The following MYSM1 variants were observed in gnomAD, a reference collection of about 807,000 sequenced individuals.
The protein encoded by MYSM1 is deubiquitinase MYSM1.
A neutral mutation model predicts 116.0 loss-of-function variants in MYSM1; 51 were observed. The ratio of observed to expected loss-of-function variants is 0.44; its 90% CI spans 0.35 to 0.56. MYSM1 has a LOEUF of 0.56. MYSM1 is among the 20% of genes least tolerant of loss of function. The pLI, the probability that MYSM1 is intolerant of heterozygous loss-of-function variation, is 0.00. For missense variants in MYSM1, 900 were observed against 974.9 expected, an observed-to-expected ratio of 0.92 and a Z score of 1.02; for synonymous variants, 313 against 315.2, an observed-to-expected ratio of 0.99 and a Z score of 0.07.
Position 58,659,900 on chromosome 1 carries a change from C to A in MYSM1, c.*97G>T. The A allele has an allele frequency of 1.2e-6, 1 of 808,356 alleles. No individual in the cohort carries two copies. The highest frequency in any genetic ancestry group is 1.8e-6 in the Non-Finnish European group (1 of 552,810). The allele number at this position is 808,356 out of a possible 1,614,324, so 50.1% of individuals were successfully genotyped here. ...ATTTTGTGAAATAGAGAAAAAATAC[C>A]AAAGCTGTGCCAATGTTAACTACAA... is the stretch of plus-strand genomic sequence containing the variant. On this transcript the variant is annotated 3_prime_UTR_variant, in exon 20 of 20. Coordinates refer to ENST00000472487, the MANE Select transcript of MYSM1 (RefSeq NM_001085487.3).
At chr1:58,661,836 T>C (rs1644396986) in intron 17 of MYSM1, among the ~76,000 whole-genome samples, 1 of 152,052 alleles carries the variant, frequency 6.6e-6, no homozygotes, top group South Asian at 2.1e-4. Context: ...GAAGGTACTA[T>C]TAATAATTAT....
rs185393921 is a variant in MYSM1 at position 58,668,907 on chromosome 1, G to A, written c.1716+77C>T. On this transcript the variant is annotated intron_variant, in intron 13 of 19. Coordinates refer to ENST00000472487, the MANE Select transcript of MYSM1 (RefSeq NM_001085487.3). ...TTTTATACATATGCCTTGCACATAC[G>A]GAAAAAGAGTAAGCATTTCCTGTTT... 4.3e-4 allele frequency: 504 copies of A among 1,165,708 alleles called. 2 individuals carry two copies. In the African/African-American group the frequency reaches 7.8e-3, roughly 18 times the overall value. The allele number at this position is 1,165,708 out of a possible 1,614,324, so 72.2% of individuals were successfully genotyped here.
At chr1:58,681,329 C>T (rs1308568407) in intron 8 of MYSM1, among the ~76,000 whole-genome samples, 1 of 152,184 alleles carries the variant, frequency 6.6e-6, no homozygotes, top group African/African-American at 2.4e-5. Flanking sequence ...ATTAATAGCA[C>T]ATTATTGTCA....
In MYSM1 at chr1:58,665,496, T is replaced by TA. The variant is rs1414806215; in HGVS notation, c.2164+2dup. 6.3e-7 allele frequency: 1 copy of TA among 1,581,446 alleles called. No homozygotes were observed. Among genetic ancestry groups the TA allele is most frequent in the South Asian group, 1.2e-5 (1 of 85,304 alleles). The stretch of plus-strand genomic sequence containing the variant: ...GATAAAGTTATTTTTGTTGAAAACT[T>TA]ACGATAAGAGCCATCTGGGCTAATT... On this transcript the variant is annotated splice_region_variant and intron_variant, in intron 17 of 19. Transcript: ENST00000472487.
At chr1:58,690,142 A>G in intron 5 of MYSM1, 84 bp downstream of exon 5, 1 of 1,075,448 alleles carries the variant, frequency 9.3e-7, no homozygotes, top group Non-Finnish European at 1.3e-6. Flanking sequence ...GCTTTTCCAC[A>G]GGCCAACTAT....
intron 9 of MYSM1, among the ~76,000 whole-genome samples, chr1:58,676,405 G>GAA (rs66986748): frequency 9.4e-4 from 86 of 91,300 alleles, no homozygotes; most frequent in African/African-American, 3.1e-3. Context: ...AACAGAGCGA[G>GAA]AAAAAAAAAA....
intron 5 of MYSM1, 27 bp downstream of exon 5, chr1:58,690,199 T>G: frequency 6.8e-7 from 1 of 1,467,912 alleles, no homozygotes; most frequent in Non-Finnish European, 9.1e-7. Flanking sequence ...GAAAACAGAT[T>G]TATAAATATA....
In MYSM1 at chr1:58,667,372, A is replaced by G. The variant is rs886743333; in HGVS notation, c.1843-146T>C. 3 of 534,256 alleles carry G rather than the reference A, an allele frequency of 5.6e-6. No individual in the cohort carries two copies. The African/African-American group carries it at 5.8e-5, about 10-fold the overall frequency. The allele number at this position is 534,256 out of a possible 1,614,324, so 33.1% of individuals were successfully genotyped here. A position where few individuals can be genotyped will look rare whatever the true frequency, so the allele number is the denominator to read the frequency against. The stretch of plus-strand genomic sequence containing the variant: ...CACAGTTGCCTTTAACTTGCAAATG[A>G]CTTAAACTCCAAAAGTCTGATTATA... On this transcript the variant is annotated intron_variant, in intron 15 of 19. Coordinates refer to ENST00000472487, the MANE Select transcript of MYSM1 (RefSeq NM_001085487.3).
intron 17 of MYSM1, among the ~76,000 whole-genome samples, chr1:58,663,609 T>A (rs1331854971): frequency 6.6e-6 from 1 of 152,364 alleles, no homozygotes; most frequent in Admixed American, 6.5e-5. Flanking sequence ...CTCTGTCCAA[T>A]GGTAGCTCAT....
intron 6 of MYSM1, 56 bp from the exon 7 acceptor site, chr1:58,685,307 T>C (rs2100659081): frequency 9.1e-7 from 1 of 1,100,788 alleles, no homozygotes; most frequent in Admixed American, 2.6e-5. Context: ...TTAAGAATAG[T>C]CCAAGCCACT....
intron 12 of MYSM1, among the ~76,000 whole-genome samples, chr1:58,670,911 A>T (rs1415445569): frequency 6.6e-6 from 1 of 152,182 alleles, no homozygotes; most frequent in Non-Finnish European, 1.5e-5. Flanking sequence ...AATCACAATA[A>T]ATATAAGTCT....
chr1:58,687,813 G>C (rs1405450583), intron 6 of MYSM1, among the ~76,000 whole-genome samples: 1 of 151,728 alleles, frequency 6.6e-6, no homozygotes, highest in East Asian at 1.9e-4. Flanking sequence ...CTCTTCTGCC[G>C]ATACCTATAA....
chr1:58,667,782 T>C, intron 15 of MYSM1, 65 bp downstream of exon 15: 2 of 938,744 alleles, frequency 2.1e-6, no homozygotes, highest in African/African-American at 1.6e-5. Flanking sequence ...CTGAATTCTA[T>C]AAAAATATTT....
rs1553135842 is a variant in MYSM1, at chr1:58,669,857, A to AAAAAAAAC, written c.1662-820_1662-819insGTTTTTTT. Among the ~76,000 whole-genome samples, 7 of 86,060 alleles carry AAAAAAAAC rather than the reference A, an allele frequency of 8.1e-5. 2 individuals carry two copies. Among genetic ancestry groups the AAAAAAAAC allele is most frequent in the Non-Finnish European group, 1.6e-4 (7 of 44,106 alleles). The allele number at this position is 86,060 out of a possible 152,430, so 56.5% of individuals were successfully genotyped here. ...TCTCCAAAAAAAAAAAAAAAAAAAA[A>AAAAAAAAC]AAAAACAAAAAAGTGAAAAAGTAAA... On this transcript the variant is annotated intron_variant, in intron 12 of 19. Transcript: ENST00000472487.
chr1:58,674,901 T>C (rs1569743709), intron 10 of MYSM1, among the ~76,000 whole-genome samples: 1 of 141,160 alleles, frequency 7.1e-6, no homozygotes, highest in African/African-American at 2.6e-5. Context: ...TACTCTAGCC[T>C]GGGTGACACA....
intron 17 of MYSM1, among the ~76,000 whole-genome samples, chr1:58,662,801 T>G (rs1395456278): frequency 6.6e-6 from 1 of 152,144 alleles, no homozygotes; most frequent in Non-Finnish European, 1.5e-5. Context: ...ACTGATCTTT[T>G]TTATTTAATT....
At chr1:58,666,458 T>G (rs1644470603) in intron 16 of MYSM1, among the ~76,000 whole-genome samples, 1 of 152,212 alleles carries the variant, frequency 6.6e-6, no homozygotes, top group African/African-American at 2.4e-5. Flanking sequence ...CATTCATGGC[T>G]TGTTTGTACT....
intron 16 of MYSM1, 89 bp from the exon 17 acceptor site, chr1:58,665,720 G>A (rs1644457564): frequency 4.5e-6 from 4 of 886,792 alleles, no homozygotes; most frequent in Middle Eastern, 2.9e-4. Flanking sequence ...ACATCTAATG[G>A]GGAAAAGCAG....
At chr1:58,692,677 C>G (rs1644919745) in intron 3 of MYSM1, 184 bp downstream of exon 3, 3 of 473,694 alleles carry the variant, frequency 6.3e-6, no homozygotes, top group Admixed American at 4.0e-5. Context: ...TCAGATGTTA[C>G]AGTAAAACAG....
Sources: gnomAD v4.1 joint callset for allele counts (sites outside exome capture counted in the v4.1 genomes callset) on GRCh38, gnomAD v4.1.1 for gene constraint, MANE v1.5 for transcripts, NCBI Gene and HGNC (gene_info 2026-07-23, HGNC 2026-07-21) for gene names.